TUSC3: variants seen among roughly 807,000 people sequenced by gnomAD.
TUSC3 encodes tumor suppressor candidate 3.
A neutral mutation model predicts 44.8 loss-of-function variants in TUSC3; 45 were observed. The observed-to-expected ratio is 1.00, with a 90% CI of 0.79 to 1.29. The LOEUF is 1.29. Ranked by LOEUF, TUSC3 falls within the 50% of genes most tolerant of loss-of-function variation. The pLI is 0.00. For missense variants in TUSC3, 519 were observed against 437.9 expected (o/e 1.19, Z -1.65); for synonymous variants, 212 against 152.9 (o/e 1.39, Z -2.85).
intron 1 of TUSC3, among the ~76,000 whole-genome samples, chr8:15,582,961 C>G (rs935751880): frequency 6.6e-6 from 1 of 152,146 alleles, no homozygotes; most frequent in African/African-American, 2.4e-5. Flanking sequence ...TCTTGCTTCC[C>G]AAATCAAATC....
At chr8:15,584,793 A>G (rs886303135) in intron 1 of TUSC3, among the ~76,000 whole-genome samples, 3 of 152,136 alleles carry the variant, frequency 2.0e-5, no homozygotes, top group Admixed American at 2.0e-4. Context: ...TAGTGAGTTT[A>G]GGGAATTTCA....
intron 1 of TUSC3, among the ~76,000 whole-genome samples, chr8:15,558,891 C>T (rs577581695): frequency 5.3e-5 from 8 of 151,396 alleles, no homozygotes; most frequent in Non-Finnish European, 1.2e-4. Flanking sequence ...TTCGATTCTT[C>T]TCTTTTTCTT....
chr8:15,564,085 A>G (rs999144227), intron 1 of TUSC3, among the ~76,000 whole-genome samples: 2 of 152,168 alleles, frequency 1.3e-5, no homozygotes, highest in African/African-American at 4.8e-5. Context: ...ATTCTGTCAG[A>G]TAATTACTTG....
At chr8:15,628,894 A>G (rs1296284746) in intron 2 of TUSC3, among the ~76,000 whole-genome samples, 1 of 152,188 alleles carries the variant, frequency 6.6e-6, no homozygotes, top group African/African-American at 2.4e-5. Flanking sequence ...AGTGCGGGTG[A>G]GAGAATATGG....
chr8:15,547,954 T>G (rs1801930887), intron 1 of TUSC3, among the ~76,000 whole-genome samples: 1 of 151,720 alleles, frequency 6.6e-6, no homozygotes, highest in Admixed American at 6.6e-5. Context: ...ATTTTTAACT[T>G]TTTTCTGTTA....
At chr8:15,602,886 T>C (rs543180980) in intron 1 of TUSC3, among the ~76,000 whole-genome samples, 47 of 151,612 alleles carry the variant, frequency 3.1e-4, no homozygotes, top group Non-Finnish European at 5.6e-4. Flanking sequence ...GATTATTACC[T>C]TGTAACATAA....
intron 7 of TUSC3, among the ~76,000 whole-genome samples, chr8:15,740,601 G>T (rs879307795): frequency 1.3e-5 from 2 of 151,966 alleles, no homozygotes; most frequent in Non-Finnish European, 2.9e-5. Context: ...GAACCAAGTG[G>T]TGAGCTATTC....
the TUSC3 span, among the ~76,000 whole-genome samples, chr8:15,783,437 C>A: frequency 1.3e-5 from 2 of 152,086 alleles, no homozygotes; most frequent in African/African-American, 4.8e-5. Context: ...GCAAAAAGAA[C>A]AAAGCTGGAG....
intron 1 of TUSC3, among the ~76,000 whole-genome samples, chr8:15,604,627 A>T (rs1347697240): frequency 1.3e-5 from 2 of 151,788 alleles, no homozygotes; most frequent in African/African-American, 4.8e-5. Context: ...TTACTGAATA[A>T]TTACCGAATT....
the TUSC3 span, among the ~76,000 whole-genome samples, chr8:15,777,664 A>G: frequency 6.6e-6 from 1 of 152,188 alleles, no homozygotes; most frequent in African/African-American, 2.4e-5. Flanking sequence ...TAAATAGTTC[A>G]TAAGACAAGT....
rs1801638299 is a variant in TUSC3 at position 15,540,417 on chromosome 8, A to C, written c.-14A>C. The C allele has an allele frequency of 1.3e-6, 2 of 1,569,738 alleles. No individual in the cohort carries two copies. Among genetic ancestry groups the C allele is most frequent in the Non-Finnish European group, 1.7e-6 (2 of 1,159,446 alleles). On this transcript the variant is annotated 5_prime_UTR_variant, in exon 1 of 11. Coordinates refer to ENST00000503731, the MANE Select transcript of TUSC3 (RefSeq NM_006765.4). ...CACGGCTACCGCGCGTGGAGGAGAC[A>C]CTGCCCTGCCGCGATGGGGGCCCGG...
chr8:15,576,563 T>C (rs1366058728), intron 1 of TUSC3, among the ~76,000 whole-genome samples: 2 of 146,930 alleles, frequency 1.4e-5, no homozygotes, highest in Non-Finnish European at 3.0e-5. Context: ...TATGCCGTGA[T>C]TGGTTTTTTG....
chr8:15,448,265 T>G (rs1286522336), intron 1 of TUSC3, among the ~76,000 whole-genome samples: 1 of 151,810 alleles, frequency 6.6e-6, no homozygotes, highest in Admixed American at 6.6e-5. Context: ...ATCACAGATG[T>G]GTGCAACCAC....
At chr8:15,699,996 T>C (rs1809327801) in intron 6 of TUSC3, among the ~76,000 whole-genome samples, 1 of 152,210 alleles carries the variant, frequency 6.6e-6, no homozygotes, top group South Asian at 2.1e-4. Context: ...AGAATCTTTT[T>C]ATAATCTTTT....
intron 2 of TUSC3, among the ~76,000 whole-genome samples, chr8:15,526,266 C>G (rs1801372004): frequency 6.6e-6 from 1 of 152,126 alleles, no homozygotes; most frequent in African/African-American, 2.4e-5. Flanking sequence ...ATCTCCTGAC[C>G]TCGTGATCTG....
chr8:15,758,191 G>A (rs1812012623), intron 10 of TUSC3: 4 of 1,024,546 alleles, frequency 3.9e-6, no homozygotes, highest in Admixed American at 1.0e-4. Context: ...ATTCTATCTA[G>A]GAAAAATGTA....
At chr8:15,716,875 G>A (rs1018276275) in intron 6 of TUSC3, among the ~76,000 whole-genome samples, 1 of 151,530 alleles carries the variant, frequency 6.6e-6, no homozygotes, top group Non-Finnish European at 1.5e-5. Context: ...CCCTTTTGAG[G>A]ACTTTAGTAA....
intron 6 of TUSC3, among the ~76,000 whole-genome samples, chr8:15,730,077 A>G (rs746998989): frequency 5.9e-5 from 9 of 152,158 alleles, no homozygotes; most frequent in Non-Finnish European, 1.2e-4. Context: ...AGAAATAATC[A>G]TGGGAATCAA....
At chr8:15,814,296 C>G in the TUSC3 span, among the ~76,000 whole-genome samples, 4 of 152,072 alleles carry the variant, frequency 2.6e-5, no homozygotes, top group East Asian at 5.8e-4. Flanking sequence ...TATCTTTTTT[C>G]TAGAAGGAGG....
Sources: gnomAD v4.1 joint callset for allele counts (sites outside exome capture counted in the v4.1 genomes callset) on GRCh38, gnomAD v4.1.1 for gene constraint, MANE v1.5 for transcripts, NCBI Gene and HGNC (gene_info 2026-07-23, HGNC 2026-07-21) for gene names.